Variants in GRIN2D observed in about 807,000 individuals in gnomAD.
GRIN2D encodes the protein glutamate receptor ionotropic, NMDA 2D.
Under a neutral mutation model 103.2 loss-of-function variants are expected in GRIN2D, and 37 were observed. That is an observed-to-expected ratio of 0.36 (90% CI 0.28 to 0.47). GRIN2D has a LOEUF of 0.47. GRIN2D is among the 20% of genes least tolerant of loss of function. The pLI is 1.00. For missense variants in GRIN2D, 1,557 were observed against 1,910.6 expected (o/e 0.81, Z 3.45); for synonymous variants, 845 against 885.6 (o/e 0.95, Z 0.81).
rs910847650 is a variant in GRIN2D, at chr19:48,398,798, C to A, written c.406C>A (p.Gln136Lys). 20 of 1,457,226 alleles carry A rather than the reference C, an allele frequency of 1.4e-5. No homozygotes were observed. The highest frequency in any genetic ancestry group is 1.8e-5 in the Non-Finnish European group (20 of 1,110,004). 90.3% of individuals were successfully genotyped at this position (1,457,226 alleles called of 1,614,324 possible). A position where few individuals can be genotyped will look rare whatever the true frequency, so the allele number is the denominator to read the frequency against. ...GCCCATCCTCGACTTCCTGTCGGCG[C>A]AGACCTCGCTGCCCATCGTGGCCGT... ...VAPILDFLSA[Q>K]TSLPIVAVHG... The change falls in exon 3 of 14, where the codon CAG becomes AAG. Residue 136 changes from glutamine (Q) to lysine (K), a missense_variant. Gln to Lys is a moderately conservative substitution (Grantham distance 53, BLOSUM62 1). Coordinates refer to ENST00000263269, the MANE Select transcript of GRIN2D (RefSeq NM_000836.4).
chr19:48,398,533 G>A lies in GRIN2D; in HGVS notation c.141G>A (p.Gly47=), dbSNP rs1162488051. 1.9e-6 allele frequency: 2 copies of A among 1,080,856 alleles called. No homozygotes were observed. The highest frequency in any genetic ancestry group is 3.4e-5 in the African/African-American group (2 of 59,082). 67.0% of individuals were successfully genotyped at this position (1,080,856 alleles called of 1,614,324 possible). ...GTGGGCCCGGCGGCGGCCTCGGCGGGGCGCGGCCGCTCAACGTGGCGCTCG... is the reference window on the plus strand; with the variant it reads ...GTGGGCCCGGCGGCGGCCTCGGCGGAGCGCGGCCGCTCAACGTGGCGCTCG... ...GAGGPGGGLG[G]ARPLNVALVF... The change falls in exon 3 of 14, where the codon GGG becomes GGA. Residue 47 remains glycine (G), a synonymous_variant. Coordinates refer to ENST00000263269, the MANE Select transcript of GRIN2D (RefSeq NM_000836.4).
In GRIN2D at chr19:48,442,016, C is replaced by T. The variant is rs894412229; in HGVS notation, c.2440+60C>T. On this transcript the variant is annotated intron_variant, in intron 12 of 13. Coordinates refer to ENST00000263269, the MANE Select transcript of GRIN2D (RefSeq NM_000836.4). The surrounding 1 kb of genome is among the most constrained non-coding windows in gnomAD (Gnocchi z 7.2). ...GGGGGAGGGCGAGGCCCCTGGGTTC[C>T]GGGGAAGAAAGGGACAAAGACCCGG... 81 of 1,538,996 alleles carry T rather than the reference C, an allele frequency of 5.3e-5. No homozygotes were observed. The highest frequency in any genetic ancestry group is 4.6e-4 in the South Asian group (40 of 86,060).
intron 11 of GRIN2D, among the ~76,000 whole-genome samples, chr19:48,439,914 G>A (rs537620281): frequency 1.3e-5 from 2 of 152,290 alleles, no homozygotes; most frequent in East Asian, 3.9e-4. Flanking sequence ...TTGCACTCCA[G>A]CCTGGGCAGG....
chr19:48,406,985 C>CT (rs11372604), intron 4 of GRIN2D, among the ~76,000 whole-genome samples: 41,639 of 144,392 alleles, frequency 0.29, 6,616 homozygotes, highest in African/African-American at 0.42. Flanking sequence ...TTTCCTTTTT[C>CT]TTTTTTTTTT....
intron 11 of GRIN2D, among the ~76,000 whole-genome samples, chr19:48,430,170 T>TA (rs1971137943): frequency 6.6e-6 from 1 of 152,194 alleles, no homozygotes; most frequent in East Asian, 1.9e-4. Context: ...AAACCGTGAT[T>TA]ACTTTCCTCT....
chr19:48,435,111 A>G (rs1407506905), intron 11 of GRIN2D, among the ~76,000 whole-genome samples: 1 of 152,112 alleles, frequency 6.6e-6, no homozygotes, highest in Admixed American at 6.6e-5. Context: ...TGGCTTACAC[A>G]ACAGAAATGT....
Position 48,442,085 on chromosome 19 carries a change from CA to C in GRIN2D, c.2441-64del. Reference sequence around the variant, plus strand: ...GGAAGGGGCTAAGGGCCTACATTCCCACATCACAGACAAGGGTCCTCAGAGG... The same window carrying C: ...GGAAGGGGCTAAGGGCCTACATTCCCCATCACAGACAAGGGTCCTCAGAGG... On this transcript the variant is annotated intron_variant, in intron 12 of 13. Coordinates refer to ENST00000263269, the MANE Select transcript of GRIN2D (RefSeq NM_000836.4). The surrounding 1 kb of genome is among the most constrained non-coding windows in gnomAD (Gnocchi z 7.2). 5 of 1,539,820 alleles carry C rather than the reference CA, an allele frequency of 3.2e-6. No homozygotes were observed. The highest frequency in any genetic ancestry group is 4.5e-6 in the Non-Finnish European group (5 of 1,118,586).
rs1970921145 is a variant in GRIN2D, at chr19:48,414,772, G to C, written c.1413-92G>C. ...CCTGAAAGCGCTAACCATAGTTTTA[G>C]CTGCCGCCTATCCCTTCCTCCATAT... On this transcript the variant is annotated intron_variant, in intron 6 of 13. Coordinates refer to ENST00000263269, the MANE Select transcript of GRIN2D (RefSeq NM_000836.4). The surrounding 1 kb of genome is among the most constrained non-coding windows in gnomAD (Gnocchi z 4.6). 4.9e-6 allele frequency: 7 copies of C among 1,430,088 alleles called. No homozygotes were observed. The highest frequency in any genetic ancestry group is 2.9e-6 in the Non-Finnish European group (3 of 1,042,968). The allele number at this position is 1,430,088 out of a possible 1,614,324, so 88.6% of individuals were successfully genotyped here. A position where few individuals can be genotyped will look rare whatever the true frequency, so the allele number is the denominator to read the frequency against.
At chr19:48,412,443 A>AAGAG (rs1299202535) in intron 4 of GRIN2D, among the ~76,000 whole-genome samples, 1 of 149,954 alleles carries the variant, frequency 6.7e-6, no homozygotes, top group Non-Finnish European at 1.5e-5. Context: ...GAAAGAAAGA[A>AAGAG]AGAAAGAAAG....
At chr19:48,396,043 C>T (rs921638986) in intron 2 of GRIN2D, among the ~76,000 whole-genome samples, 1 of 152,052 alleles carries the variant, frequency 6.6e-6, no homozygotes, top group South Asian at 2.1e-4. Flanking sequence ...TAGGGGATAG[C>T]GCTTCCGTCT....
intron 11 of GRIN2D, among the ~76,000 whole-genome samples, chr19:48,441,002 T>G (rs1261953031): frequency 6.6e-6 from 1 of 152,050 alleles, no homozygotes; most frequent in African/African-American, 2.4e-5. Flanking sequence ...ATCCTCTTTT[T>G]TAAAATGCAA....
intron 11 of GRIN2D, among the ~76,000 whole-genome samples, chr19:48,425,039 T>C (rs1354286236): frequency 6.6e-6 from 1 of 151,982 alleles, no homozygotes; most frequent in Non-Finnish European, 1.5e-5. Flanking sequence ...TCTCTCTCTC[T>C]CTCTCACACA....
In GRIN2D at chr19:48,442,882, G is replaced by T. The variant is rs1161885476; in HGVS notation, c.2956G>T (p.Gly986Cys). ...GLGEARAAPR[G>C]AAGRPLSPPA... ...GGGCGAAGCGCGCGCGGCACCGCGG[G>T]GCGCAGCCGGGCGCCCGCTGTCCCC... The change falls in exon 14 of 14, where the codon GGC becomes TGC. Residue 986 changes from glycine (G) to cysteine (C), a missense_variant. Gly to Cys is a radical substitution (Grantham distance 159). This residue lies in a region of GRIN2D where 632 missense variants were observed against 572.8 expected (regional missense o/e 1.10). Transcript: ENST00000263269. This position sits in a 1 kb window ranked among gnomAD's most constrained non-coding sequence, Gnocchi z 7.2. 8 of 1,091,464 alleles carry T rather than the reference G, an allele frequency of 7.3e-6. No homozygotes were observed. In the South Asian group the frequency reaches 2.7e-4, roughly 37 times the overall value. The allele number at this position is 1,091,464 out of a possible 1,614,324, so 67.6% of individuals were successfully genotyped here.
At chr19:48,398,327 C>T (rs1970667492) in intron 2 of GRIN2D, 40 bp from the exon 3 acceptor site, 4 of 842,038 alleles carry the variant, frequency 4.8e-6, no homozygotes, top group African/African-American at 3.7e-5. Flanking sequence ...CCCGTCTGTG[C>T]CTCCCTCTCC....
intron 11 of GRIN2D, among the ~76,000 whole-genome samples, chr19:48,440,404 G>A (rs1971277571): frequency 6.6e-6 from 1 of 151,982 alleles, no homozygotes; most frequent in Admixed American, 6.6e-5. Flanking sequence ...CCCAGCCTGG[G>A]CAACATGGAA....
At chr19:48,434,152 G>A (rs559123804) in intron 11 of GRIN2D, among the ~76,000 whole-genome samples, 13 of 151,960 alleles carry the variant, frequency 8.6e-5, no homozygotes, top group African/African-American at 2.4e-4. Flanking sequence ...GGGTTTCACC[G>A]TGTTAGCCAG....
chr19:48,410,910 C>T (rs915407138), intron 4 of GRIN2D, among the ~76,000 whole-genome samples: 1 of 152,058 alleles, frequency 6.6e-6, no homozygotes, highest in African/African-American at 2.4e-5. Flanking sequence ...GGGTGGATGA[C>T]ATGAGAGACA....
chr19:48,443,369 C>G lies in GRIN2D; in HGVS notation c.3443C>G (p.Pro1148Arg), dbSNP rs755842033. 2.0e-6 allele frequency: 3 copies of G among 1,493,572 alleles called. No homozygotes were observed. Among genetic ancestry groups the G allele is most frequent in the Non-Finnish European group, 2.7e-6 (3 of 1,129,694 alleles). The allele number at this position is 1,493,572 out of a possible 1,614,324, so 92.5% of individuals were successfully genotyped here. A position where few individuals can be genotyped will look rare whatever the true frequency, so the allele number is the denominator to read the frequency against. Residue 1148 changes from proline (P) to arginine (R), a missense_variant, in exon 14 of 14, where the codon CCG becomes CGG. By Grantham distance (103) the Pro-to-Arg change is moderately radical. This residue lies in a region of GRIN2D where 632 missense variants were observed against 572.8 expected (regional missense o/e 1.10). Coordinates refer to ENST00000263269, the MANE Select transcript of GRIN2D (RefSeq NM_000836.4). The surrounding 1 kb of genome is among the most constrained non-coding windows in gnomAD (Gnocchi z 8.9). ...CCGTATGCCGAGCGCCTCGGGCCGC[C>G]GCCCGGCCGCTACTGGTCGGTCGAC... ...PYPYAERLGP[P>R]PGRYWSVDKL...
At chr19:48,432,891 A>G (rs1407987063) in intron 11 of GRIN2D, among the ~76,000 whole-genome samples, 8 of 150,260 alleles carry the variant, frequency 5.3e-5, no homozygotes, top group Non-Finnish European at 1.2e-4. Flanking sequence ...CCCGGGTTCA[A>G]GTGATTCTCC....
Sources: gnomAD v4.1 joint callset for allele counts (sites outside exome capture counted in the v4.1 genomes callset) on GRCh38, gnomAD v4.1.1 for gene constraint, gnomAD v4.1.1 regional missense constraint, Gnocchi (gnomAD v3.1) non-coding constraint, MANE v1.5 for transcripts, NCBI Gene and HGNC (gene_info 2026-07-23, HGNC 2026-07-21) for gene names.